Variants in TIMD4 observed in about 807,000 individuals in gnomAD.
The protein encoded by TIMD4 is T-cell immunoglobulin and mucin domain-containing protein 4.
A neutral mutation model predicts 41.2 loss-of-function variants in TIMD4; 31 were observed. That is an observed-to-expected ratio of 0.75 (90% CI 0.57 to 1.01). The LOEUF is 1.01. TIMD4 is among the 50% of genes least tolerant of loss of function. TIMD4 has a pLI of 0.00. For synonymous variants in TIMD4, 204 were observed against 177.1 expected (o/e 1.15, Z -1.21); for missense variants, 479 against 472.5 (o/e 1.01, Z -0.13).
In TIMD4 at chr5:156,951,507, C is replaced by T. The variant is rs373499236; in HGVS notation, c.679+5G>A. The T allele has an allele frequency of 5.8e-5, 93 of 1,613,866 alleles. No individual in the cohort carries two copies. The highest frequency in any genetic ancestry group is 3.4e-5 in the Non-Finnish European group (40 of 1,179,956). ...TTCTAAGAAACCCAAGATACATCTG[C>T]GTACCTGCAGTGAGGATGGGCCCTT... is the stretch of plus-strand genomic sequence containing the variant. On this transcript the variant is annotated splice_donor_5th_base_variant and intron_variant, in intron 3 of 8. Transcript: ENST00000274532.
rs777482635 is a variant in TIMD4 at position 156,951,594 on chromosome 5, T to A, written c.597A>T (p.Ser199=). ...AVFTTANTCL[S]LTPSTLPEEA... ...CCTCCGGAAGGGTGCTTGGGGTTAG[T>A]GAAAGGCACGTGTTTGCTGTTGTGA... is the stretch of plus-strand genomic sequence containing the variant. Residue 199 remains serine (S), a synonymous_variant, in exon 3 of 9, where the codon TCA becomes TCT. Transcript: ENST00000274532. The A allele has an allele frequency of 1.2e-6, 2 of 1,614,096 alleles. No individual in the cohort carries two copies. The highest frequency in any genetic ancestry group is 1.7e-6 in the Non-Finnish European group (2 of 1,180,016).
chr5:156,945,045 G>A (rs1038837680), intron 5 of TIMD4, among the ~76,000 whole-genome samples: 4 of 152,202 alleles, frequency 2.6e-5, no homozygotes, highest in African/African-American at 9.6e-5. Flanking sequence ...AAAATGGAGA[G>A]GGAATTGTGG....
At chr5:156,920,370 C>T (rs1356941576) in intron 8 of TIMD4, 94 bp downstream of exon 8, 10 of 1,381,178 alleles carry the variant, frequency 7.2e-6, no homozygotes, top group Non-Finnish European at 1.0e-5. Flanking sequence ...GTAATCGTAA[C>T]ACAAGCTCAA....
In TIMD4 at chr5:156,954,726, T is replaced by C. The variant is rs1371675914; in HGVS notation, c.89A>G (p.Glu30Gly). The C allele has an allele frequency of 6.2e-7, 1 of 1,613,108 alleles. No individual in the cohort carries two copies. The highest frequency in any genetic ancestry group is 1.3e-5 in the African/African-American group (1 of 74,874). ...CAAAGTCACCCGGTGACCCAAAACC[T>C]CCGTCACAACAGTCTCTGAAGTGAC... Reference protein sequence around the residue: ...TPVTSETVVTEVLGHRVTLPC... With the variant: ...TPVTSETVVTGVLGHRVTLPC... The change falls in exon 2 of 9, where the codon GAG becomes GGG. Residue 30 changes from glutamate to glycine, a missense_variant. Physicochemically the swap from Glu to Gly is moderately conservative, Grantham distance 98 (BLOSUM62 -2). Coordinates refer to ENST00000274532, the MANE Select transcript of TIMD4 (RefSeq NM_138379.3).
intron 6 of TIMD4, chr5:156,924,703 A>T: frequency 5.8e-6 from 1 of 171,596 alleles, no homozygotes; most frequent in Non-Finnish European, 1.2e-5. Context: ...AATTCATCTG[A>T]AAATAAATAG....
At chr5:156,961,808 C>CAAAAAAAAAAA (rs71578911) in intron 1 of TIMD4, among the ~76,000 whole-genome samples, 21 of 27,988 alleles carry the variant, frequency 7.5e-4, no homozygotes, top group Non-Finnish European at 9.9e-4. Context: ...GACTCCGTCT[C>CAAAAAAAAAAA]AAAAAAAAAA....
rs770575207 is a variant in TIMD4, at chr5:156,951,603, C to T, written c.588G>A (p.Thr196=). ...GGGTGCTTGGGGTTAGTGAAAGGCA[C>T]GTGTTTGCTGTTGTGAAGACGGCAA... The part of the protein sequence containing the change: ...TTIAVFTTAN[T]CLSLTPSTLP... The change falls in exon 3 of 9, where the codon ACG becomes ACA. Residue 196 remains threonine (T), a synonymous_variant. Coordinates refer to ENST00000274532, the MANE Select transcript of TIMD4 (RefSeq NM_138379.3). 17 of 1,614,050 alleles carry T rather than the reference C, an allele frequency of 1.1e-5. No homozygotes were observed. Among genetic ancestry groups the T allele is most frequent in the South Asian group, 2.2e-5 (2 of 91,068 alleles).
chr5:156,949,805 G>A, intron 3 of TIMD4, 74 bp from the exon 4 acceptor site: 1 of 907,388 alleles, frequency 1.1e-6, no homozygotes. Flanking sequence ...GTGGGATTTG[G>A]GATTATCTTT....
chr5:156,955,233 C>G (rs1383412890), intron 1 of TIMD4, among the ~76,000 whole-genome samples: 2 of 152,194 alleles, frequency 1.3e-5, no homozygotes, highest in African/African-American at 4.8e-5. Context: ...TTTAAATACT[C>G]TGATTTGAGT....
At position 156,920,478 on chromosome 5, in the gene TIMD4, C is replaced by A; in HGVS notation, c.1038G>T (p.Ser346=). ...AGATAGATTACCTTGTGTGTTTCTG[C>A]GAACAATAGGTTTCCATGAGTTTCC... ...LRGKLMETYC[S]QKHTRLDYIG... Residue 346 remains serine (S), a synonymous_variant, in exon 8 of 9, where the codon TCG becomes TCT. Coordinates refer to ENST00000274532, the MANE Select transcript of TIMD4 (RefSeq NM_138379.3). 1 of 1,614,012 alleles carries A rather than the reference C, an allele frequency of 6.2e-7. No individual in the cohort carries two copies. Among genetic ancestry groups the A allele is most frequent in the South Asian group, 1.1e-5 (1 of 91,082 alleles).
chr5:156,931,679 T>C (rs1448154392), intron 5 of TIMD4, among the ~76,000 whole-genome samples: 1 of 152,206 alleles, frequency 6.6e-6, no homozygotes, highest in Non-Finnish European at 1.5e-5. Flanking sequence ...CTTGAGTTCT[T>C]GGTAGGCATG....
At chr5:156,933,234 T>C (rs893979851) in intron 5 of TIMD4, among the ~76,000 whole-genome samples, 2 of 151,810 alleles carry the variant, frequency 1.3e-5, no homozygotes, top group Non-Finnish European at 2.9e-5. Flanking sequence ...TTAAAAAGAC[T>C]GGGCAAGGGT....
chr5:156,951,723 G>T lies in TIMD4; in HGVS notation c.468C>A (p.Thr156=). The T allele has an allele frequency of 6.2e-7, 1 of 1,614,112 alleles. No homozygotes were observed. Among genetic ancestry groups the T allele is most frequent in the Non-Finnish European group, 8.5e-7 (1 of 1,180,038 alleles). Residue 156 remains threonine, a synonymous_variant, in exon 3 of 9, where the codon ACC becomes ACA. Transcript: ENST00000274532. ...TRRTTTTSPT[T]TRQMTTTPAA... ...CTGGGGTTGTTGTCATTTGTCGGGT[G>T]GTGGTGGGGCTTGTTGTTGTTGTTC...
intron 7 of TIMD4, among the ~76,000 whole-genome samples, chr5:156,921,369 C>T (rs1211856592): frequency 6.6e-5 from 10 of 151,782 alleles, no homozygotes; most frequent in Non-Finnish European, 1.5e-4. Context: ...GCCTGTAATC[C>T]CAGAGCTTTG....
intron 1 of TIMD4, among the ~76,000 whole-genome samples, chr5:156,957,091 G>A (rs145338655): frequency 1.6e-3 from 243 of 151,504 alleles, no homozygotes; most frequent in African/African-American, 5.6e-3. Context: ...GCACAGTGGC[G>A]CGATCTCAGC....
At chr5:156,933,359 A>C (rs908646834) in intron 5 of TIMD4, among the ~76,000 whole-genome samples, 2 of 151,952 alleles carry the variant, frequency 1.3e-5, no homozygotes, top group Non-Finnish European at 2.9e-5. Context: ...TCTACAAAAA[A>C]TTTTTGTAAC....
intron 5 of TIMD4, among the ~76,000 whole-genome samples, chr5:156,928,108 A>G (rs1759381092): frequency 6.6e-6 from 1 of 152,150 alleles, no homozygotes. Flanking sequence ...GATCAAGACC[A>G]TCCTGGCCAA....
intron 5 of TIMD4, among the ~76,000 whole-genome samples, chr5:156,939,170 G>A (rs7700944): frequency 0.28 from 42,843 of 152,054 alleles, 6,276 homozygotes; most frequent in Admixed American, 0.35. Flanking sequence ...AAGTGTGTAA[G>A]AGCTCAGGTT....
intron 1 of TIMD4, among the ~76,000 whole-genome samples, chr5:156,956,296 G>A (rs1185111265): frequency 2.6e-5 from 4 of 152,068 alleles, no homozygotes; most frequent in Admixed American, 6.6e-5. Flanking sequence ...GAGCTAGAAG[G>A]AACCACAGGA....
Sources: gnomAD v4.1 joint callset for allele counts (sites outside exome capture counted in the v4.1 genomes callset) on GRCh38, gnomAD v4.1.1 for gene constraint, MANE v1.5 for transcripts, NCBI Gene and HGNC (gene_info 2026-07-23, HGNC 2026-07-21) for gene names.